Variants in DNAAF5 observed in about 807,000 individuals in gnomAD.
DNAAF5 encodes HEAT repeat containing 2.
A neutral mutation model predicts 75.8 loss-of-function variants in DNAAF5; 64 were observed. That is an observed-to-expected ratio of 0.84 (90% confidence interval 0.69 to 1.04). The LOEUF (loss-of-function observed/expected upper bound fraction) is 1.04, where lower values mean the gene tolerates loss of function less well. DNAAF5 is among the 50% of genes least tolerant of loss of function. The probability of loss-of-function intolerance (pLI) is 0.00; values close to 1 mark genes in which losing one functional copy is unlikely to be tolerated. For missense variants in DNAAF5, 1,269 were observed against 1,178.5 expected (o/e 1.08, Z -1.12); for synonymous variants, 657 against 557.2 (o/e 1.18, Z -2.52).
intron 2 of DNAAF5, among the ~76,000 whole-genome samples, chr7:731,333 C>G (rs190335568): frequency 1.1e-4 from 17 of 152,292 alleles, no homozygotes; most frequent in Non-Finnish European, 2.4e-4. Flanking sequence ...ATCACTGTAT[C>G]GATAGCTGTC....
chr7:785,731 G>T lies in DNAAF5; in HGVS notation c.*78G>T. Reference sequence around the variant, plus strand: ...GTGGCCTTTAAATCTCATAAACAAGGCACCTCTGTGCCAGCAGTGAGACTG... The same window carrying T: ...GTGGCCTTTAAATCTCATAAACAAGTCACCTCTGTGCCAGCAGTGAGACTG... On this transcript the variant is annotated 3_prime_UTR_variant, in exon 13 of 13. Transcript: ENST00000297440. The T allele has an allele frequency of 1.3e-6, 2 of 1,523,052 alleles. No individual in the cohort carries two copies. The highest frequency in any genetic ancestry group is 1.8e-6 in the Non-Finnish European group (2 of 1,124,814). 94.3% of individuals were successfully genotyped at this position (1,523,052 alleles called of 1,614,324 possible).
chr7:780,719 C>G (rs2128086577), intron 12 of DNAAF5, among the ~76,000 whole-genome samples: 1 of 152,328 alleles, frequency 6.6e-6, no homozygotes, highest in East Asian at 1.9e-4. Context: ...GAAGGTCACT[C>G]ACAGCACAGG....
At chr7:756,308 G>A in intron 5 of DNAAF5, among the ~76,000 whole-genome samples, 1 of 148,186 alleles carries the variant, frequency 6.7e-6, no homozygotes, top group Non-Finnish European at 1.5e-5. Flanking sequence ...AGTGCAGAGG[G>A]GCTGGTGTGT....
At chr7:736,563 C>T (rs1224758292) in intron 2 of DNAAF5, among the ~76,000 whole-genome samples, 3 of 152,012 alleles carry the variant, frequency 2.0e-5, no homozygotes, top group African/African-American at 4.8e-5. Flanking sequence ...TATCTTTTTT[C>T]GCATCCCTTT....
rs184855861 is a variant in DNAAF5, at chr7:781,052, C to T, written c.2431+908C>T. On this transcript the variant is annotated intron_variant, in intron 12 of 12. Transcript: ENST00000297440. Reference sequence around the variant, plus strand: ...TTGTGTTACAAATAATTCAGTGATACTTTTCGTTATGTTTAAATGTGTGAT... The same window carrying T: ...TTGTGTTACAAATAATTCAGTGATATTTTTCGTTATGTTTAAATGTGTGAT... 8.0e-4 allele frequency among the ~76,000 whole-genome samples: 122 copies of T among 152,232 alleles called. 1 individual carries two copies. The highest frequency in any genetic ancestry group is 1.1e-3 in the Admixed American group (17 of 15,294).
At chr7:742,072 A>T (rs1366472666) in intron 4 of DNAAF5, among the ~76,000 whole-genome samples, 1 of 152,130 alleles carries the variant, frequency 6.6e-6, no homozygotes, top group Non-Finnish European at 1.5e-5. Flanking sequence ...GTCTGAGTGG[A>T]GGCTCCCAGG....
At chr7:731,907 G>A (rs1562373400) in intron 2 of DNAAF5, among the ~76,000 whole-genome samples, 1 of 152,066 alleles carries the variant, frequency 6.6e-6, no homozygotes, top group Non-Finnish European at 1.5e-5. Context: ...TGGGCTCCTT[G>A]CAGACACCTC....
At chr7:776,917 C>T (rs1778779937) in intron 11 of DNAAF5, among the ~76,000 whole-genome samples, 1 of 152,202 alleles carries the variant, frequency 6.6e-6, no homozygotes, top group South Asian at 2.1e-4. Context: ...ACCACCTGAG[C>T]TCTGCCTCCT....
rs773939540 is a variant in DNAAF5, at chr7:754,281, C to T, written c.1025-308C>T. On this transcript the variant is annotated intron_variant, in intron 4 of 12. Transcript: ENST00000297440. The surrounding 1 kb of genome is among the most constrained non-coding windows in gnomAD (Gnocchi z 4.8). ...CTGGGACCACAGGCATGCACCACGGCACCTGGCTAATCTTCCTGTTTTTTA... is the reference window on the plus strand; with the variant it reads ...CTGGGACCACAGGCATGCACCACGGTACCTGGCTAATCTTCCTGTTTTTTA... Among the ~76,000 whole-genome samples, 2 of 152,196 alleles carry T rather than the reference C, an allele frequency of 1.3e-5. No individual in the cohort carries two copies.
chr7:745,339 C>T (rs1268592862), intron 4 of DNAAF5, among the ~76,000 whole-genome samples: 4 of 152,170 alleles, frequency 2.6e-5, no homozygotes, highest in South Asian at 2.1e-4. Context: ...GAGAGGGAGG[C>T]GGGGGGTCGG....
chr7:770,690 A>G (rs949623060), intron 9 of DNAAF5, 72 bp downstream of exon 9: 19 of 1,444,952 alleles, frequency 1.3e-5, no homozygotes, highest in African/African-American at 7.0e-5. Context: ...TCCCTCCCCA[A>G]CAGCTCACTG....
intron 4 of DNAAF5, among the ~76,000 whole-genome samples, chr7:752,118 G>A (rs4074610): frequency 0.79 from 120,105 of 152,146 alleles, 47,598 homozygotes; most frequent in South Asian, 0.86. Flanking sequence ...ACAGGCGCCC[G>A]CACGCGGACC....
At chr7:768,994 A>G (rs1334075179) in intron 8 of DNAAF5, 1 of 601,172 alleles carries the variant, frequency 1.7e-6, no homozygotes, top group Non-Finnish European at 3.0e-6. Context: ...CTTCGGTGCA[A>G]CGCCTCCTGC....
intron 11 of DNAAF5, among the ~76,000 whole-genome samples, chr7:776,246 G>T (rs1778757679): frequency 1.3e-5 from 2 of 152,068 alleles, no homozygotes; most frequent in South Asian, 4.1e-4. Context: ...TGAGGCAAGA[G>T]AATCGCTTCA....
Position 763,852 on chromosome 7 carries a change from G to A in DNAAF5, c.1661G>A (p.Ser554Asn), listed in dbSNP as rs1268951415. The change falls in exon 8 of 13, where the codon AGC becomes AAC. Residue 554 changes from serine (S) to asparagine (N), a missense_variant. Coordinates refer to ENST00000297440, the MANE Select transcript of DNAAF5 (RefSeq NM_017802.4). Reference protein sequence around the residue: ...DSLAMVEGVSSCQDLYRKHIG... With the variant: ...DSLAMVEGVSNCQDLYRKHIG... ...CTGGCCATGGTGGAGGGTGTCAGCA[G>A]CTGCCAGGACCTCTACCGCAAGCAC... 6.2e-7 allele frequency: 1 copy of A among 1,613,416 alleles called. No individual in the cohort carries two copies. The highest frequency in any genetic ancestry group is 1.1e-5 in the South Asian group (1 of 91,090).
chr7:771,562 C>G (rs986242687), intron 9 of DNAAF5: 1 of 152,302 alleles, frequency 6.6e-6, no homozygotes, highest in African/African-American at 2.4e-5. Context: ...GCTCTCGGGC[C>G]TCAGCCCGCC....
chr7:738,256 G>T (rs1781796226), intron 2 of DNAAF5, among the ~76,000 whole-genome samples: 1 of 152,058 alleles, frequency 6.6e-6, no homozygotes. Flanking sequence ...CAGAATTTCT[G>T]CTTGATGCTT....
At chr7:742,468 T>C (rs1316402105) in intron 4 of DNAAF5, among the ~76,000 whole-genome samples, 1 of 51,070 alleles carries the variant, frequency 2.0e-5, no homozygotes, top group Non-Finnish European at 3.9e-5. Flanking sequence ...TCAAATCACA[T>C]GCCCAGCTCA....
At chr7:784,426 G>A (rs116792089) in intron 12 of DNAAF5, among the ~76,000 whole-genome samples, 1,605 of 152,258 alleles carry the variant, frequency 0.011, 31 homozygotes, top group African/African-American at 0.037. Flanking sequence ...GACTGAAGGC[G>A]GAGACCTTGA....
Sources: gnomAD v4.1 joint callset for allele counts (sites outside exome capture counted in the v4.1 genomes callset) on GRCh38, gnomAD v4.1.1 for gene constraint, Gnocchi (gnomAD v3.1) non-coding constraint, MANE v1.5 for transcripts, NCBI Gene and HGNC (gene_info 2026-07-23, HGNC 2026-07-21) for gene names.